Variants in KCNC4 observed in about 807,000 individuals in gnomAD.
KCNC4 encodes the protein voltage-gated potassium channel KCNC4.
Under a neutral mutation model 42.8 loss-of-function variants are expected in KCNC4, and 23 were observed. The ratio of observed to expected loss-of-function variants is 0.54; its 90% CI spans 0.39 to 0.76. The LOEUF (loss-of-function observed/expected upper bound fraction) is 0.76. KCNC4 is among the 30% of genes least tolerant of loss of function. The probability of loss-of-function intolerance (pLI) is 0.00; values close to 1 mark genes in which losing one functional copy is unlikely to be tolerated. For missense variants in KCNC4, 751 were observed against 898.2 expected (o/e 0.84, Z 2.10); for synonymous variants, 422 against 393.5 (o/e 1.07, Z -0.86).
At chr1:110,224,714 G>A (rs1658294922) in intron 2 of KCNC4, 1 of 152,268 alleles carries the variant, frequency 6.6e-6, no homozygotes, top group African/African-American at 2.4e-5. Flanking sequence ...CAGGAGTTGG[G>A]AAATGGAAAA....
intron 3 of KCNC4, chr1:110,232,559 G>A: frequency 7.0e-7 from 1 of 1,434,744 alleles, no homozygotes; most frequent in Non-Finnish European, 9.1e-7. Flanking sequence ...GAAGACCTAA[G>A]AGGCTAGTGG....
intron 1 of KCNC4, among the ~76,000 whole-genome samples, chr1:110,278,599 C>T (rs890668362): frequency 1.3e-5 from 2 of 152,158 alleles, no homozygotes; most frequent in African/African-American, 4.8e-5. Context: ...GTATTAAAAA[C>T]CCACGTGAAC....
exon 4 of KCNC4, chr1:110,242,307 C>A (rs1425119561): frequency 1.3e-5 from 2 of 152,210 alleles, no homozygotes. Context: ...CCTTCTCAGT[C>A]TTCATTAGTG....
chr1:110,219,368 G>A (rs1657972201), intron 1 of KCNC4, among the ~76,000 whole-genome samples: 1 of 152,152 alleles, frequency 6.6e-6, no homozygotes, highest in Non-Finnish European at 1.5e-5. Flanking sequence ...CTGTGAAGGG[G>A]GTACTAGTAC....
At chr1:110,269,719 C>G (rs1455562187) in intron 1 of KCNC4, among the ~76,000 whole-genome samples, 6 of 151,598 alleles carry the variant, frequency 4.0e-5, no homozygotes, top group Non-Finnish European at 7.4e-5. Context: ...TTTTGGTTAC[C>G]AGATCTCAGG....
At chr1:110,244,117 C>G (rs1659090971) in exon 4 of KCNC4, 1 of 152,202 alleles carries the variant, frequency 6.6e-6, no homozygotes, top group South Asian at 2.1e-4. Context: ...GTGGATGCCA[C>G]CGGCTTCGGG....
intron 1 of KCNC4, among the ~76,000 whole-genome samples, chr1:110,279,000 T>A (rs758177516): frequency 6.6e-6 from 1 of 152,142 alleles, no homozygotes; most frequent in Admixed American, 6.5e-5. Flanking sequence ...CTCTGAAGAC[T>A]CACCTTCCCC....
chr1:110,226,204 G>A (rs779480669), intron 3 of KCNC4, 26 bp downstream of exon 3: 11 of 1,608,226 alleles, frequency 6.8e-6, no homozygotes, highest in Non-Finnish European at 9.4e-6. Flanking sequence ...CTGGACAGGT[G>A]GGGAGCCCCC....
chr1:110,255,336 G>A (rs921054412), intron 1 of KCNC4, among the ~76,000 whole-genome samples: 4 of 152,096 alleles, frequency 2.6e-5, no homozygotes, highest in African/African-American at 4.8e-5. Context: ...TCACTTCACC[G>A]TCTTCTCTCC....
At chr1:110,252,659 A>G (rs1659267241), downstream of KCNC4, among the ~76,000 whole-genome samples, 1 of 152,182 alleles carries the variant, frequency 6.6e-6, no homozygotes, top group Non-Finnish European at 1.5e-5. Flanking sequence ...TATCACATTC[A>G]TTGAGCATCT....
intron 1 of KCNC4, among the ~76,000 whole-genome samples, chr1:110,216,136 C>G (rs1032407368): frequency 1.3e-5 from 2 of 152,234 alleles, no homozygotes; most frequent in African/African-American, 4.8e-5. Flanking sequence ...AGGAAAGGAG[C>G]AGAGCTGCAT....
chr1:110,253,308 G>T (rs775267820), downstream of KCNC4, among the ~76,000 whole-genome samples: 1 of 152,112 alleles, frequency 6.6e-6, no homozygotes, highest in African/African-American at 2.4e-5. Flanking sequence ...GCCCACTCTG[G>T]TCTTCCCTAA....
At chr1:110,254,515 T>A (rs1463255790) in intron 1 of KCNC4, among the ~76,000 whole-genome samples, 1 of 152,248 alleles carries the variant, frequency 6.6e-6, no homozygotes, top group Non-Finnish European at 1.5e-5. Context: ...AGGTTGGAGT[T>A]AAAGACTGGG....
chr1:110,237,549 T>TGATC (rs1299852198), downstream of KCNC4: 2 of 152,342 alleles, frequency 1.3e-5, no homozygotes, highest in East Asian at 1.9e-4. Flanking sequence ...ACACAGTGGA[T>TGATC]GATCATGTGC....
intron 1 of KCNC4, chr1:110,272,533 G>A (rs1317806819): frequency 6.6e-6 from 1 of 152,162 alleles, no homozygotes; most frequent in Non-Finnish European, 1.5e-5. Flanking sequence ...AGCTCTTAAG[G>A]TTATAATAAG....
intron 1 of KCNC4, chr1:110,222,365 G>C (rs945491044): frequency 6.5e-6 from 1 of 154,276 alleles, no homozygotes; most frequent in African/African-American, 2.4e-5. Context: ...TTACTTAGAA[G>C]GTTTGTTAAA....
At chr1:110,279,792 ATTT>A (rs746438498) in intron 1 of KCNC4, among the ~76,000 whole-genome samples, 31 of 98,576 alleles carry the variant, frequency 3.1e-4, no homozygotes, top group South Asian at 1.0e-3. Flanking sequence ...GGCTTTAGGA[ATTT>A]TTTTTTTTTT....
downstream of KCNC4, among the ~76,000 whole-genome samples, chr1:110,253,703 T>G (rs934264586): frequency 2.0e-5 from 3 of 152,206 alleles, no homozygotes; most frequent in African/African-American, 7.2e-5. Context: ...AATCAGCTTA[T>G]TTTCTCCACT....
chr1:110,263,788 CT>C (rs2101078411), intron 1 of KCNC4, among the ~76,000 whole-genome samples: 1 of 128,204 alleles, frequency 7.8e-6, no homozygotes, highest in Admixed American at 7.5e-5. Context: ...GCCTTCCTCT[CT>C]AAAAAAAAAA....
Sources: gnomAD v4.1 joint callset for allele counts (sites outside exome capture counted in the v4.1 genomes callset) on GRCh38, gnomAD v4.1.1 for gene constraint, MANE v1.5 for transcripts, NCBI Gene and HGNC (gene_info 2026-07-23, HGNC 2026-07-21) for gene names.